The following KIF19 variants were observed in gnomAD, a reference collection of about 807,000 sequenced individuals.
KIF19 encodes the protein kinesin family member 19.
Under a neutral mutation model 106.6 loss-of-function variants are expected in KIF19, and 98 were observed. The ratio of observed to expected loss-of-function variants is 0.92; its 90% CI spans 0.78 to 1.09. The LOEUF is 1.09. Ranked by LOEUF, KIF19 falls within the 50% of genes least tolerant of loss-of-function variation. The probability of loss-of-function intolerance (pLI) is 0.00; values close to 1 mark genes in which losing one functional copy is unlikely to be tolerated. For missense variants in KIF19, 1,373 were observed against 1,414.3 expected (o/e 0.97, Z 0.47); for synonymous variants, 516 against 584.2 (o/e 0.88, Z 1.68).
Position 74,354,244 on chromosome 17 carries a change from G to C in KIF19, c.2391G>C (p.Gly797=). The change falls in exon 18 of 20, where the codon GGG becomes GGC. Residue 797 remains glycine (G), a synonymous_variant. Transcript: ENST00000389916. ...GCTCGCGGGCCCTGGGAACCGAGGGGCGACACCTGCTGGCACCCGCGACAG... is the reference window on the plus strand; with the variant it reads ...GCTCGCGGGCCCTGGGAACCGAGGGCCGACACCTGCTGGCACCCGCGACAG... ...RRRSRALGTE[G]RHLLAPATER... is the part of the protein sequence containing the mutation. 1 of 1,608,436 alleles carries C rather than the reference G, an allele frequency of 6.2e-7. No individual in the cohort carries two copies. Among genetic ancestry groups the C allele is most frequent in the Non-Finnish European group, 8.5e-7 (1 of 1,179,406 alleles).
chr17:74,329,453 A>C (rs2054011062), intron 2 of KIF19: 1 of 125,532 alleles, frequency 8.0e-6, no homozygotes, highest in Admixed American at 7.7e-5. Flanking sequence ...GTCTCAAAAA[A>C]AAAGAGAAAA....
At position 74,337,705 on chromosome 17, in the gene KIF19, T is replaced by C. The variant is rs113319555; in HGVS notation, c.121-4171T>C. On this transcript the variant is annotated intron_variant, in intron 2 of 19. Transcript: ENST00000389916. Reference sequence around the variant, plus strand: ...ACTTTCCAGGTTATTGACATGATCCTTGAGGGTCGGAAGGCAGGAAACCTG... The same window carrying C: ...ACTTTCCAGGTTATTGACATGATCCCTGAGGGTCGGAAGGCAGGAAACCTG... 9.3e-3 allele frequency among the ~76,000 whole-genome samples: 1,420 copies of C among 152,346 alleles called. 27 individuals are homozygous for C. The highest frequency in any genetic ancestry group is 0.032 in the African/African-American group (1,344 of 41,580).
Position 74,352,943 on chromosome 17 carries a change from C to T in KIF19, c.2103C>T (p.Leu701=). Residue 701 remains leucine, a synonymous_variant, in exon 15 of 20, where the codon CTC becomes CTT. Coordinates refer to ENST00000389916, the MANE Select transcript of KIF19 (RefSeq NM_153209.4). ...TGCAGAACAGCGCCCTCCCTCCCCT[C>T]AGCACAGAGAGGTGAGATGGGGGCC... ...QHLQNSALPP[L]STESEGHHVF... is the part of the protein sequence containing the mutation. 6.2e-7 allele frequency: 1 copy of T among 1,613,840 alleles called. No individual in the cohort carries two copies.
intron 12 of KIF19, 97 bp downstream of exon 12, chr17:74,351,002 G>A (rs1326107261): frequency 1.6e-6 from 2 of 1,253,736 alleles, no homozygotes; most frequent in African/African-American, 1.5e-5. Context: ...GGGTAGCCGT[G>A]AGACTTGGGA....
At chr17:74,340,555 GTA>G (rs1491365963) in intron 2 of KIF19, among the ~76,000 whole-genome samples, 3 of 148,210 alleles carry the variant, frequency 2.0e-5, no homozygotes, top group African/African-American at 7.5e-5. Flanking sequence ...ATGCGCGCGC[GTA>G]CACACACACA....
intron 2 of KIF19, among the ~76,000 whole-genome samples, chr17:74,334,062 C>A (rs2144211584): frequency 6.6e-6 from 1 of 151,570 alleles, no homozygotes; most frequent in South Asian, 2.1e-4. Flanking sequence ...TGGGCTCAAG[C>A]AATCCTCCTG....
intron 17 of KIF19, 59 bp downstream of exon 17, chr17:74,353,640 C>A: frequency 7.2e-7 from 1 of 1,387,196 alleles, no homozygotes; most frequent in South Asian, 1.2e-5. Flanking sequence ...CTGTTCAGAT[C>A]ACCCAGCTCA....
At chr17:74,337,170 G>A (rs181177866) in intron 2 of KIF19, among the ~76,000 whole-genome samples, 13 of 152,240 alleles carry the variant, frequency 8.5e-5, no homozygotes, top group South Asian at 2.1e-4. Context: ...GAAAACACAC[G>A]CCAAGCCCTT....
chr17:74,340,547 G>A (rs1567905487), intron 2 of KIF19, among the ~76,000 whole-genome samples: 1 of 2,116 alleles, frequency 4.7e-4, no homozygotes, highest in Non-Finnish European at 1.2e-3. Context: ...CAGCAGGTAT[G>A]CGCGCGCGTA....
intron 1 of KIF19, among the ~76,000 whole-genome samples, chr17:74,327,488 T>A (rs1288360893): frequency 6.6e-6 from 1 of 152,184 alleles, no homozygotes; most frequent in Non-Finnish European, 1.5e-5. Context: ...TTTTGTTTTG[T>A]TTTTCTTTTT....
rs1365046919 is a variant in KIF19 at position 74,354,205 on chromosome 17, G to A, written c.2352G>A (p.Lys784=). ...CTGGCACCAAGTGCATCTGGGTGAA[G>A]GCCGCCCGGCGGCGCTCGCGGGCCC... ...ILTGTKCIWV[K]AARRRSRALG... Residue 784 remains lysine, a synonymous_variant, in exon 18 of 20, where the codon AAG becomes AAA. Coordinates refer to ENST00000389916, the MANE Select transcript of KIF19 (RefSeq NM_153209.4). 5.0e-6 allele frequency: 8 copies of A among 1,609,350 alleles called. No homozygotes were observed. The highest frequency in any genetic ancestry group is 2.2e-5 in the East Asian group (1 of 44,872).
At chr17:74,333,226 T>A (rs1174551315) in intron 2 of KIF19, among the ~76,000 whole-genome samples, 1 of 152,086 alleles carries the variant, frequency 6.6e-6, no homozygotes, top group South Asian at 2.1e-4. Flanking sequence ...CAGGATTCTT[T>A]ACCTCTCCCC....
chr17:74,334,585 G>A (rs1297865255), intron 2 of KIF19, among the ~76,000 whole-genome samples: 1 of 152,182 alleles, frequency 6.6e-6, no homozygotes, highest in African/African-American at 2.4e-5. Context: ...GGCTTTATGA[G>A]CTCAGCAGGG....
chr17:74,349,050 G>C (rs1270223138), intron 9 of KIF19, 134 bp from the exon 10 acceptor site: 2 of 795,322 alleles, frequency 2.5e-6, no homozygotes, highest in African/African-American at 3.5e-5. Flanking sequence ...GGTTGTGGAA[G>C]TGGAGGAAAG....
rs1421404146 is a variant in KIF19, at chr17:74,331,304, G to A, written c.120+2799G>A. Among the ~76,000 whole-genome samples the A allele has an allele frequency of 1.3e-5, 2 of 152,140 alleles. No individual in the cohort carries two copies. Among genetic ancestry groups the A allele is most frequent in the Admixed American group, 1.3e-4 (2 of 15,274 alleles). Reference sequence around the variant, plus strand: ...TCCTCCTAAGGCCTGGAGGCACCATGGACAGGTGGGTGTATTTGGGAGCTG... The same window carrying A: ...TCCTCCTAAGGCCTGGAGGCACCATAGACAGGTGGGTGTATTTGGGAGCTG... On this transcript the variant is annotated intron_variant, in intron 2 of 19. Transcript: ENST00000389916. The surrounding 1 kb of genome is among the most constrained non-coding windows in gnomAD (Gnocchi z 4.1).
chr17:74,342,387 CG>C (rs1286356618), intron 3 of KIF19, among the ~76,000 whole-genome samples: 18 of 152,242 alleles, frequency 1.2e-4, no homozygotes, highest in South Asian at 4.1e-4. Flanking sequence ...ATCCTCAGGG[CG>C]GGGGGCCAGG....
chr17:74,353,072 G>A, intron 15 of KIF19, 118 bp downstream of exon 15: 1 of 1,443,708 alleles, frequency 6.9e-7, no homozygotes, highest in Non-Finnish European at 9.6e-7. Flanking sequence ...GGTGGCCCAG[G>A]TCTGGAGCCA....
chr17:74,340,555 G>GCAGACACA, intron 2 of KIF19, among the ~76,000 whole-genome samples: 3 of 148,208 alleles, frequency 2.0e-5, no homozygotes, highest in African/African-American at 7.5e-5. Context: ...ATGCGCGCGC[G>GCAGACACA]TACACACACA....
intron 17 of KIF19, 123 bp from the exon 18 acceptor site, chr17:74,354,039 C>T (rs913947710): frequency 1.2e-5 from 14 of 1,122,650 alleles, no homozygotes; most frequent in Non-Finnish European, 1.6e-5. Context: ...ACATAGCAAA[C>T]CCCTGGAAGT....
Sources: allele counts gnomAD v4.1 joint callset (sites outside exome capture counted in the v4.1 genomes callset), GRCh38; gene constraint gnomAD v4.1.1; non-coding constraint Gnocchi (gnomAD v3.1); transcripts MANE v1.5; gene names NCBI Gene and HGNC (gene_info 2026-07-23, HGNC 2026-07-21).